ELOVL2: variants seen among roughly 807,000 people sequenced by gnomAD.
ELOVL2 encodes the protein ELOVL fatty acid elongase 2.
Under a neutral mutation model 37.7 loss-of-function variants are expected in ELOVL2, and 38 were observed. That is an observed-to-expected ratio of 1.01 (90% CI 0.78 to 1.32). ELOVL2 has a LOEUF of 1.32. Ranked by LOEUF, ELOVL2 falls within the 40% of genes most tolerant of loss-of-function variation. The probability of loss-of-function intolerance (pLI) is 0.00; values close to 1 mark genes in which losing one functional copy is unlikely to be tolerated. For synonymous variants in ELOVL2, 115 were observed against 122.3 expected (o/e 0.94, Z 0.40); for missense variants, 352 against 363.6 (o/e 0.97, Z 0.26).
intron 1 of ELOVL2, 83 bp from the exon 2 acceptor site, chr6:11,010,892 G>A (rs543199709): frequency 7.8e-6 from 8 of 1,019,832 alleles, no homozygotes; most frequent in African/African-American, 1.6e-5. Context: ...CCAACAACAT[G>A]TAACTGACAG....
intron 1 of ELOVL2, among the ~76,000 whole-genome samples, chr6:11,013,697 C>A (rs747464397): frequency 1.3e-5 from 2 of 151,926 alleles, no homozygotes; most frequent in Non-Finnish European, 2.9e-5. Flanking sequence ...AACTGCCACA[C>A]GACAGAAGAT....
In ELOVL2 at chr6:11,044,287, T is replaced by G; in HGVS notation, c.-57A>C. The G allele has an allele frequency of 8.0e-7, 1 of 1,253,908 alleles. No homozygotes were observed. Among genetic ancestry groups the G allele is most frequent in the East Asian group, 3.4e-5 (1 of 29,842 alleles). The allele number at this position is 1,253,908 out of a possible 1,614,324, so 77.7% of individuals were successfully genotyped here. On this transcript the variant is annotated 5_prime_UTR_variant, in exon 1 of 8. Transcript: ENST00000354666. This position sits in a 1 kb window ranked among gnomAD's most constrained non-coding sequence, Gnocchi z 5.6. ...GCGGGCGGCGATGCGCTGTCCAGGG[T>G]AGCCGGGTCCCTCTGCCCGGCGCTA... is the stretch of plus-strand genomic sequence containing the variant.
At chr6:11,016,325 C>G (rs993338637) in intron 1 of ELOVL2, among the ~76,000 whole-genome samples, 1 of 152,088 alleles carries the variant, frequency 6.6e-6, no homozygotes, top group Non-Finnish European at 1.5e-5. Context: ...AAGACACATT[C>G]GATGAGAACA....
At chr6:11,010,387 G>A (rs994555991) in intron 2 of ELOVL2, among the ~76,000 whole-genome samples, 1 of 152,146 alleles carries the variant, frequency 6.6e-6, no homozygotes, top group Non-Finnish European at 1.5e-5. Flanking sequence ...ATATAACTAG[G>A]ATGTAAGAAA....
chr6:11,019,703 C>T (rs1352919094), intron 1 of ELOVL2, among the ~76,000 whole-genome samples: 2 of 150,268 alleles, frequency 1.3e-5, no homozygotes, highest in African/African-American at 4.9e-5. Flanking sequence ...ACTTTTTACT[C>T]TGTATATGTC....
At chr6:10,986,627 T>C (rs1177652169) in intron 7 of ELOVL2, among the ~76,000 whole-genome samples, 1 of 151,878 alleles carries the variant, frequency 6.6e-6, no homozygotes. Context: ...TTGTCTTTGG[T>C]TCTGTTTATA....
chr6:11,031,843 T>C (rs1782934589), intron 1 of ELOVL2, among the ~76,000 whole-genome samples: 1 of 152,200 alleles, frequency 6.6e-6, no homozygotes, highest in African/African-American at 2.4e-5. Flanking sequence ...TGTTATCAGG[T>C]AGAGATCTAA....
At chr6:10,998,436 C>G (rs1782312383) in intron 4 of ELOVL2, among the ~76,000 whole-genome samples, 1 of 152,258 alleles carries the variant, frequency 6.6e-6, no homozygotes, top group South Asian at 2.1e-4. Flanking sequence ...AATTCTTTCC[C>G]TCTAATTTTT....
At position 10,983,888 on chromosome 6, in the gene ELOVL2, T is replaced by C. The variant is rs367685105; in HGVS notation, c.784A>G (p.Met262Val). The change falls in exon 8 of 8, where the codon ATG (methionine) becomes GTG (valine). Residue 262 changes from methionine (M) to valine (V), a missense_variant. By Grantham distance (21) the Met-to-Val change is conservative (BLOSUM62 1). Coordinates refer to ENST00000354666, the MANE Select transcript of ELOVL2 (RefSeq NM_017770.4). ...FYVQTYRKKP[M>V]KKDMQEPPAG... ...GGTGGCTCTTGCATATCTTTCTTCA[T>C]TGGCTTTTTTCGGTATGTCTGTTGG... 6.2e-6 allele frequency: 10 copies of C among 1,612,866 alleles called. No individual in the cohort carries two copies. The East Asian group carries it at 6.7e-5, about 11-fold the overall frequency.
At chr6:11,041,124 G>C (rs958374345) in intron 1 of ELOVL2, among the ~76,000 whole-genome samples, 4 of 152,032 alleles carry the variant, frequency 2.6e-5, no homozygotes, top group Admixed American at 2.6e-4. Flanking sequence ...CACCACATTG[G>C]GCCATTAAAG....
intron 3 of ELOVL2, among the ~76,000 whole-genome samples, chr6:11,004,334 T>A (rs1430703860): frequency 6.6e-6 from 1 of 152,040 alleles, no homozygotes; most frequent in African/African-American, 2.4e-5. Context: ...TGTGCCATTA[T>A]CCACCGCTTA....
chr6:11,039,621 AAT>A (rs145642571), intron 1 of ELOVL2, among the ~76,000 whole-genome samples: 14,165 of 152,214 alleles, frequency 0.093, 1,986 homozygotes, highest in African/African-American at 0.3. Context: ...ACATAAAATA[AAT>A]AGTCATATAA....
intron 1 of ELOVL2, among the ~76,000 whole-genome samples, chr6:11,034,221 T>C (rs1782976261): frequency 2.0e-5 from 3 of 152,218 alleles, no homozygotes; most frequent in Non-Finnish European, 4.4e-5. Flanking sequence ...ACTTCCTAAA[T>C]GATATTTTCA....
At chr6:10,997,146 C>A (rs973217096) in intron 4 of ELOVL2, among the ~76,000 whole-genome samples, 5 of 152,174 alleles carry the variant, frequency 3.3e-5, no homozygotes, top group African/African-American at 1.2e-4. Context: ...AATGAACACT[C>A]AGCATCCAAT....
chr6:11,000,465 C>A (rs1183631255), intron 3 of ELOVL2, among the ~76,000 whole-genome samples: 1 of 152,132 alleles, frequency 6.6e-6, no homozygotes, highest in Non-Finnish European at 1.5e-5. Flanking sequence ...ATTACCTAGT[C>A]ATGTTTCTAC....
At chr6:10,995,906 A>G (rs1035794122) in intron 4 of ELOVL2, among the ~76,000 whole-genome samples, 2 of 152,138 alleles carry the variant, frequency 1.3e-5, no homozygotes, top group South Asian at 2.1e-4. Flanking sequence ...TCTAAAGTAT[A>G]TATGTTTTTT....
intron 1 of ELOVL2, among the ~76,000 whole-genome samples, chr6:11,014,214 T>C (rs1479529141): frequency 1.3e-5 from 2 of 152,162 alleles, no homozygotes; most frequent in East Asian, 3.8e-4. Flanking sequence ...AACATAAACA[T>C]ACACCTACCA....
chr6:11,020,117 A>T (rs1052938130), intron 1 of ELOVL2, among the ~76,000 whole-genome samples: 10 of 152,206 alleles, frequency 6.6e-5, no homozygotes, highest in African/African-American at 2.4e-4. Flanking sequence ...ACAACTAAAA[A>T]CTAAAGAAAA....
intron 3 of ELOVL2, among the ~76,000 whole-genome samples, chr6:11,004,221 A>C (rs1782441144): frequency 6.6e-6 from 1 of 152,164 alleles, no homozygotes; most frequent in African/African-American, 2.4e-5. Flanking sequence ...AGAATGGTAC[A>C]TATTAGAATA....
Sources: allele counts gnomAD v4.1 joint callset (sites outside exome capture counted in the v4.1 genomes callset), GRCh38; gene constraint gnomAD v4.1.1; non-coding constraint Gnocchi (gnomAD v3.1); transcripts MANE v1.5; gene names NCBI Gene and HGNC (gene_info 2026-07-23, HGNC 2026-07-21).